GRIA1: variants seen among roughly 807,000 people sequenced by gnomAD.
GRIA1 encodes the protein glutamate receptor 1.
A neutral mutation model predicts 99.2 loss-of-function variants in GRIA1; 31 were observed. The observed-to-expected ratio is 0.31, with a 90% confidence interval of 0.23 to 0.42. The LOEUF is 0.42. Among genes scored for constraint, GRIA1 ranks in the 10% least tolerant of loss-of-function variants. GRIA1 has a pLI of 1.00. For synonymous variants in GRIA1, 438 were observed against 432.4 expected (o/e 1.01, Z -0.16); for missense variants, 782 against 1,157.5 (o/e 0.68, Z 4.71).
intron 2 of GRIA1, among the ~76,000 whole-genome samples, chr5:153,583,989 A>C (rs938710882): frequency 6.6e-6 from 1 of 152,180 alleles, no homozygotes; most frequent in Non-Finnish European, 1.5e-5. Context: ...ATTTAAGTGA[A>C]TATTTCCAGT....
chr5:153,603,257 A>G (rs933361909), intron 2 of GRIA1, among the ~76,000 whole-genome samples: 3 of 152,168 alleles, frequency 2.0e-5, no homozygotes, highest in African/African-American at 7.2e-5. Flanking sequence ...TGAACTCATC[A>G]TTTTTTAAGG....
intron 2 of GRIA1, chr5:153,558,155 C>T (rs1358077381): frequency 1.3e-5 from 2 of 152,074 alleles, no homozygotes; most frequent in Non-Finnish European, 2.9e-5. Context: ...AGGAATTTTT[C>T]AGCCCCATTA....
intron 2 of GRIA1, among the ~76,000 whole-genome samples, chr5:153,580,558 A>T (rs1762957390): frequency 6.6e-6 from 1 of 152,192 alleles, no homozygotes; most frequent in South Asian, 2.1e-4. Context: ...TCTTGGTGAA[A>T]TGGTTTAAAA....
intron 2 of GRIA1, among the ~76,000 whole-genome samples, chr5:153,628,704 T>C (rs1323761952): frequency 1.3e-5 from 2 of 152,242 alleles, no homozygotes; most frequent in African/African-American, 4.8e-5. Flanking sequence ...TATTCTTGGA[T>C]CATAGTCTTG....
intron 2 of GRIA1, among the ~76,000 whole-genome samples, chr5:153,544,397 C>A (rs1255345162): frequency 6.6e-6 from 1 of 152,214 alleles, no homozygotes; most frequent in East Asian, 1.9e-4. Flanking sequence ...GGCAGGTCAT[C>A]TGTGCTCATG....
chr5:153,771,379 T>C (rs1189321832), intron 13 of GRIA1, among the ~76,000 whole-genome samples: 1 of 152,192 alleles, frequency 6.6e-6, no homozygotes, highest in Non-Finnish European at 1.5e-5. Context: ...TCCTAACCCA[T>C]CTGGATATGA....
At chr5:153,731,379 CCTT>C (rs1171701634) in intron 11 of GRIA1, among the ~76,000 whole-genome samples, 1 of 151,956 alleles carries the variant, frequency 6.6e-6, no homozygotes, top group Non-Finnish European at 1.5e-5. Context: ...CTAATATACT[CCTT>C]CTTCACAATT....
At chr5:153,650,987 G>A (rs1399099640) in intron 4 of GRIA1, among the ~76,000 whole-genome samples, 1 of 151,808 alleles carries the variant, frequency 6.6e-6, no homozygotes, top group Non-Finnish European at 1.5e-5. Flanking sequence ...AGTGAGGCAG[G>A]AGAATCCCTT....
intron 2 of GRIA1, among the ~76,000 whole-genome samples, chr5:153,595,671 T>C (rs1273032544): frequency 1.3e-5 from 2 of 150,830 alleles, no homozygotes; most frequent in African/African-American, 4.9e-5. Context: ...ATTTATTTTA[T>C]TGCTCACATT....
intron 2 of GRIA1, among the ~76,000 whole-genome samples, chr5:153,607,492 G>C (rs1305948220): frequency 6.6e-6 from 1 of 151,492 alleles, no homozygotes; most frequent in Non-Finnish European, 1.5e-5. Flanking sequence ...TCTCTCTAAA[G>C]ATAGACTTAA....
chr5:153,615,807 T>C (rs796841591), intron 2 of GRIA1, among the ~76,000 whole-genome samples: 3 of 152,274 alleles, frequency 2.0e-5, no homozygotes, highest in African/African-American at 7.2e-5. Context: ...TCTCTAGATG[T>C]TGAAACTGAG....
intron 11 of GRIA1, among the ~76,000 whole-genome samples, chr5:153,749,624 A>G (rs1324651822): frequency 1.3e-5 from 2 of 152,156 alleles, no homozygotes; most frequent in South Asian, 4.1e-4. Flanking sequence ...AGAGGGCATC[A>G]GACCCTTCAT....
chr5:153,648,988 A>G (rs1046622059), intron 3 of GRIA1, among the ~76,000 whole-genome samples: 1 of 152,116 alleles, frequency 6.6e-6, no homozygotes, highest in Non-Finnish European at 1.5e-5. Flanking sequence ...TGTTGGGGGG[A>G]CACAATGTAA....
At chr5:153,577,042 G>GTGGATGGATGGATGGA (rs201687983) in intron 2 of GRIA1, among the ~76,000 whole-genome samples, 2 of 104,204 alleles carry the variant, frequency 1.9e-5, no homozygotes, top group African/African-American at 7.0e-5. Flanking sequence ...AGATGAATGG[G>GTGGATGGATGGATGGA]TGGATGGATG....
intron 11 of GRIA1, among the ~76,000 whole-genome samples, chr5:153,742,646 G>A (rs4323276): frequency 0.053 from 7,992 of 152,198 alleles, 238 homozygotes; most frequent in Middle Eastern, 0.13. Context: ...CTCAGCTAAG[G>A]GCTCTTTCCT....
chr5:153,771,791 G>A (rs1763899523), intron 13 of GRIA1, among the ~76,000 whole-genome samples: 3 of 151,748 alleles, frequency 2.0e-5, no homozygotes, highest in Admixed American at 2.0e-4. Flanking sequence ...ATTATTCTGG[G>A]ACTACGCTAA....
At chr5:153,635,512 T>C (rs1753284680) in intron 2 of GRIA1, among the ~76,000 whole-genome samples, 1 of 152,206 alleles carries the variant, frequency 6.6e-6, no homozygotes, top group South Asian at 2.1e-4. Flanking sequence ...CAGGGCTCTT[T>C]AGTGAATCCC....
intron 14 of GRIA1, among the ~76,000 whole-genome samples, chr5:153,799,036 ACT>A (rs1284865403): frequency 6.6e-6 from 1 of 151,586 alleles, no homozygotes; most frequent in South Asian, 2.1e-4. Context: ...TGGTACTGTC[ACT>A]CTCTTTCCCC....
chr5:153,516,682 G>T (rs1756658336), intron 2 of GRIA1, among the ~76,000 whole-genome samples: 1 of 151,986 alleles, frequency 6.6e-6, no homozygotes, highest in African/African-American at 2.4e-5. Flanking sequence ...GAGACAAAAG[G>T]CTGCTGCGTC....
Sources: allele counts gnomAD v4.1 joint callset (sites outside exome capture counted in the v4.1 genomes callset), GRCh38; gene constraint gnomAD v4.1.1; transcripts MANE v1.5; gene names NCBI Gene and HGNC (gene_info 2026-07-23, HGNC 2026-07-21).